Variants in ERBB4 observed in about 807,000 individuals in gnomAD.
The protein encoded by ERBB4 is receptor tyrosine-protein kinase erbB-4.
A neutral mutation model predicts 158.0 loss-of-function variants in ERBB4; 42 were observed. That is an observed-to-expected ratio of 0.27 (90% CI 0.21 to 0.34). ERBB4 has a LOEUF of 0.34. Ranked by LOEUF, ERBB4 falls within the 10% of genes least tolerant of loss-of-function variation. ERBB4 has a pLI of 1.00. For missense variants in ERBB4, 1,333 were observed against 1,624.1 expected, an observed-to-expected ratio of 0.82 and a Z score of 3.08; for synonymous variants, 583 against 558.7, an observed-to-expected ratio of 1.04 and a Z score of -0.61.
Position 212,185,474 on chromosome 2 carries a change from A to G in ERBB4, c.83-60571T>C, listed in dbSNP as rs188915623. Among the ~76,000 whole-genome samples, 11 of 152,226 alleles carry G rather than the reference A, an allele frequency of 7.2e-5. No homozygotes were observed. The East Asian group carries it at 2.1e-3, about 29-fold the overall frequency. ...AGAAATCACGTGCAATTAAAATATA[A>G]ATAACCCTCAAAGAGATTATTTTTA... On this transcript the variant is annotated intron_variant, in intron 1 of 27. Transcript: ENST00000342788.
At chr2:211,799,297 C>T (rs1291071503) in intron 3 of ERBB4, among the ~76,000 whole-genome samples, 1 of 152,146 alleles carries the variant, frequency 6.6e-6, no homozygotes, top group East Asian at 1.9e-4. Flanking sequence ...AGAGAATAGC[C>T]TCCATTATAG....
intron 1 of ERBB4, among the ~76,000 whole-genome samples, chr2:212,207,886 T>C (rs2082813990): frequency 6.6e-6 from 1 of 152,118 alleles, no homozygotes; most frequent in African/African-American, 2.4e-5. Flanking sequence ...CATACTGCCA[T>C]TCTTTTCTAA....
chr2:211,824,934 T>A (rs933429118), intron 3 of ERBB4, among the ~76,000 whole-genome samples: 3 of 151,958 alleles, frequency 2.0e-5, no homozygotes, highest in Non-Finnish European at 4.4e-5. Flanking sequence ...TGTTAATATC[T>A]CTACATTCTA....
chr2:211,691,514 T>C (rs1325929131), intron 12 of ERBB4, among the ~76,000 whole-genome samples: 7 of 151,998 alleles, frequency 4.6e-5, no homozygotes, highest in African/African-American at 4.8e-5. Flanking sequence ...TCATGGAGTT[T>C]ACAGCTAATT....
At chr2:212,268,361 CAT>C (rs1396520766) in intron 1 of ERBB4, among the ~76,000 whole-genome samples, 2 of 151,756 alleles carry the variant, frequency 1.3e-5, no homozygotes, top group Non-Finnish European at 2.9e-5. Flanking sequence ...GGAACAAAAT[CAT>C]ATAAAGTTCC....
At chr2:211,905,511 C>G (rs1057125229) in intron 3 of ERBB4, among the ~76,000 whole-genome samples, 1 of 151,616 alleles carries the variant, frequency 6.6e-6, no homozygotes, top group Non-Finnish European at 1.5e-5. Context: ...TGACTACCAT[C>G]TACCTCTCAA....
At chr2:211,673,528 A>AAAAAAAAAAAAAAAAAAAAAAAAAAAAAC (rs1432231391) in intron 13 of ERBB4, among the ~76,000 whole-genome samples, 1 of 149,880 alleles carries the variant, frequency 6.7e-6, no homozygotes, top group Non-Finnish European at 1.5e-5. Flanking sequence ...AAAAAAAAAA[A>AAAAAAAAAAAAAAAAAAAAAAAAAAAAAC]AAGCTACAAA....
intron 1 of ERBB4, among the ~76,000 whole-genome samples, chr2:212,264,321 G>C (rs1021650969): frequency 6.6e-6 from 1 of 152,084 alleles, no homozygotes; most frequent in Non-Finnish European, 1.5e-5. Context: ...GGAAGGCCAA[G>C]GAAAAGCTCT....
intron 1 of ERBB4, among the ~76,000 whole-genome samples, chr2:212,140,846 AGTGTGTGTGTGTGT>A (rs35461019): frequency 3.1e-4 from 41 of 131,664 alleles, no homozygotes; most frequent in African/African-American, 7.7e-4. Context: ...AGGAAACATG[AGTGTGTGTGTGTGT>A]GTGTGTGTGT....
intron 20 of ERBB4, among the ~76,000 whole-genome samples, chr2:211,437,377 ATC>A (rs1361253380): frequency 1.3e-5 from 2 of 152,202 alleles, no homozygotes; most frequent in Non-Finnish European, 2.9e-5. Context: ...TAACATTTTA[ATC>A]TCTGGTTAGA....
At chr2:212,405,859 G>C (rs2091330830) in intron 1 of ERBB4, among the ~76,000 whole-genome samples, 1 of 152,016 alleles carries the variant, frequency 6.6e-6, no homozygotes. Context: ...TGATGAATTT[G>C]AATACAACAC....
At chr2:211,453,440 C>T (rs2064299532) in intron 20 of ERBB4, among the ~76,000 whole-genome samples, 1 of 151,904 alleles carries the variant, frequency 6.6e-6, no homozygotes, top group Non-Finnish European at 1.5e-5. Context: ...TTTTGATGTT[C>T]CTCTTTTTAT....
intron 20 of ERBB4, among the ~76,000 whole-genome samples, chr2:211,506,231 C>A (rs114294123): frequency 1.3e-5 from 2 of 151,958 alleles, no homozygotes; most frequent in Admixed American, 1.3e-4. Flanking sequence ...CCAAATATAG[C>A]ACCCAACACT....
chr2:211,680,636 C>G lies in ERBB4; in HGVS notation c.1490-1452G>C, dbSNP rs577501135. On this transcript the variant is annotated intron_variant, in intron 12 of 27. Transcript: ENST00000342788. ...GCTTGACAGAGCAAATCGCCCACAC[C>G]TGTGATCCTGACTAGTTCTGAAACA... 2.0e-5 allele frequency among the ~76,000 whole-genome samples: 3 copies of G among 152,276 alleles called. No individual in the cohort carries two copies. The South Asian group carries it at 6.2e-4, about 32-fold the overall frequency.
intron 5 of ERBB4, among the ~76,000 whole-genome samples, chr2:211,733,601 G>C (rs974715376): frequency 6.7e-6 from 1 of 150,310 alleles, no homozygotes; most frequent in African/African-American, 2.5e-5. Context: ...GGAAAATTTG[G>C]TATTCAAATT....
At chr2:211,802,984 G>A (rs1458230103) in intron 3 of ERBB4, among the ~76,000 whole-genome samples, 1 of 152,054 alleles carries the variant, frequency 6.6e-6, no homozygotes, top group East Asian at 1.9e-4. Flanking sequence ...AATAAGATGC[G>A]ATCCAAAAGT....
chr2:212,221,187 AGTGT>A (rs1329161746), intron 1 of ERBB4, among the ~76,000 whole-genome samples: 3 of 151,504 alleles, frequency 2.0e-5, no homozygotes, highest in African/African-American at 7.2e-5. Context: ...TGGAGTTTAT[AGTGT>A]TAGGGGCCAC....
intron 1 of ERBB4, among the ~76,000 whole-genome samples, chr2:212,127,440 C>A (rs1435272169): frequency 1.3e-5 from 2 of 151,950 alleles, no homozygotes; most frequent in East Asian, 1.9e-4. Context: ...AAAATACAAA[C>A]AATTAGCCGG....
chr2:211,691,568 ATG>A (rs61091828), intron 12 of ERBB4, among the ~76,000 whole-genome samples: 204 of 139,122 alleles, frequency 1.5e-3, no homozygotes, highest in South Asian at 2.4e-3. Flanking sequence ...ATAGAAACAT[ATG>A]TGTGTGTGTG....
Sources: allele counts gnomAD v4.1 joint callset (sites outside exome capture counted in the v4.1 genomes callset), GRCh38; gene constraint gnomAD v4.1.1; transcripts MANE v1.5; gene names NCBI Gene and HGNC (gene_info 2026-07-23, HGNC 2026-07-21).